Variants in CA1 observed in about 807,000 individuals in gnomAD.
CA1 encodes carbonate dehydratase I.
A neutral mutation model predicts 28.8 loss-of-function variants in CA1; 27 were observed. The observed-to-expected ratio is 0.94, with a 90% CI of 0.69 to 1.29. The LOEUF (loss-of-function observed/expected upper bound fraction) is 1.29, where lower values mean the gene tolerates loss of function less well. Among genes scored for constraint, CA1 ranks in the 50% most tolerant of loss-of-function variants. The pLI, the probability that CA1 is intolerant of heterozygous loss-of-function variation, is 0.00. For missense variants in CA1, 335 were observed against 310.5 expected (o/e 1.08, Z -0.59); for synonymous variants, 121 against 108.8 (o/e 1.11, Z -0.70).
intron 6 of CA1, among the ~76,000 whole-genome samples, chr8:85,331,512 A>G (rs899812833): frequency 1.1e-4 from 16 of 152,006 alleles, no homozygotes; most frequent in African/African-American, 3.9e-4. Context: ...GCTGGAGTGC[A>G]GTGGCACAAT....
chr8:85,333,265 G>A (rs1311354826), intron 5 of CA1, among the ~76,000 whole-genome samples: 1 of 152,050 alleles, frequency 6.6e-6, no homozygotes, highest in African/African-American at 2.4e-5. Flanking sequence ...GGAAGAGCTG[G>A]AAAATAGAAA....
intron 4 of CA1, among the ~76,000 whole-genome samples, chr8:85,334,997 A>C (rs890626953): frequency 1.0e-5 from 1 of 96,842 alleles, no homozygotes; most frequent in African/African-American, 5.4e-5. Flanking sequence ...CTCAAAAATA[A>C]ATAAATAAAT....
At chr8:85,362,824 T>A (rs1564044948) in intron 1 of CA1, among the ~76,000 whole-genome samples, 1 of 152,218 alleles carries the variant, frequency 6.6e-6, no homozygotes, top group African/African-American at 2.4e-5. Context: ...TTGAAATTTT[T>A]AGGCAGATAA....
At chr8:85,377,713 G>C (rs1389995817) in intron 1 of CA1, among the ~76,000 whole-genome samples, 1 of 152,014 alleles carries the variant, frequency 6.6e-6, no homozygotes, top group Non-Finnish European at 1.5e-5. Flanking sequence ...TGAGGCAGGA[G>C]AATCACTTGA....
intron 4 of CA1, 79 bp downstream of exon 4, chr8:85,336,863 ATGT>A: frequency 1.2e-6 from 1 of 834,428 alleles, no homozygotes; most frequent in Non-Finnish European, 2.1e-6. Flanking sequence ...AGTCATTATG[ATGT>A]TGTCTTAGAA....
chr8:85,340,496 G>A lies in CA1; in HGVS notation c.37+1103C>T, dbSNP rs111501755. 3.9e-4 allele frequency among the ~76,000 whole-genome samples: 59 copies of A among 152,332 alleles called. 1 individual carries two copies. Among genetic ancestry groups the A allele is most frequent in the Middle Eastern group, 3.4e-3 (1 of 294 alleles). ...GATGGAGATGTACAAGGAGATTGAT[G>A]TTATGCTTATGCCTGCTAACACAGC... On this transcript the variant is annotated intron_variant, in intron 2 of 7. Coordinates refer to ENST00000523022, the MANE Select transcript of CA1 (RefSeq NM_001128831.4).
rs938132992 is a variant in CA1, at chr8:85,332,618, T to A, written c.451-66A>T. On this transcript the variant is annotated intron_variant, in intron 5 of 7. Coordinates refer to ENST00000523022, the MANE Select transcript of CA1 (RefSeq NM_001128831.4). ...ATCAATCGAACACTGCTTAGCTAAA[T>A]TTTGAATTTTTTTTCAATTAACAAC... is the stretch of plus-strand genomic sequence containing the variant. 358 of 1,209,754 alleles carry A rather than the reference T, an allele frequency of 3.0e-4. 1 individual carries two copies. The highest frequency in any genetic ancestry group is 4.2e-4 in the Non-Finnish European group (347 of 817,438). 74.9% of individuals were successfully genotyped at this position (1,209,754 alleles called of 1,614,324 possible). A position where few individuals can be genotyped will look rare whatever the true frequency, so the allele number is the denominator to read the frequency against.
At chr8:85,344,271 A>T (rs1585932884) in intron 1 of CA1, among the ~76,000 whole-genome samples, 1 of 88,914 alleles carries the variant, frequency 1.1e-5, no homozygotes, top group East Asian at 2.2e-4. Context: ...TATATAATAT[A>T]TAATTATATA....
intron 1 of CA1, among the ~76,000 whole-genome samples, chr8:85,352,865 C>T (rs1235449272): frequency 1.3e-5 from 2 of 152,032 alleles, no homozygotes; most frequent in African/African-American, 2.4e-5. Context: ...GGGGTTTTGC[C>T]AAGTTGGACA....
At chr8:85,349,784 A>T (rs1375316478) in intron 1 of CA1, 1 of 152,220 alleles carries the variant, frequency 6.6e-6, no homozygotes, top group Admixed American at 6.5e-5. Context: ...TGGTGAATGC[A>T]TATTCTACAT....
chr8:85,361,146 G>A (rs1809778389), intron 1 of CA1, among the ~76,000 whole-genome samples: 1 of 152,140 alleles, frequency 6.6e-6, no homozygotes, highest in Non-Finnish European at 1.5e-5. Flanking sequence ...ACTGGGAGGG[G>A]AAATCTGAAT....
chr8:85,362,079 G>T (rs1809819290), intron 1 of CA1, among the ~76,000 whole-genome samples: 1 of 152,160 alleles, frequency 6.6e-6, no homozygotes, highest in African/African-American at 2.4e-5. Context: ...GGTTGGCAGG[G>T]TTGCATTCCT....
At chr8:85,349,185 G>A (rs1194175098) in intron 1 of CA1, among the ~76,000 whole-genome samples, 1 of 152,178 alleles carries the variant, frequency 6.6e-6, no homozygotes, top group Admixed American at 6.5e-5. Context: ...TAGCCCAATA[G>A]AATGAGACCA....
intron 5 of CA1, among the ~76,000 whole-genome samples, chr8:85,333,109 C>G (rs1427047256): frequency 6.6e-6 from 1 of 152,046 alleles, no homozygotes; most frequent in African/African-American, 2.4e-5. Flanking sequence ...CTATTTCTTT[C>G]CTAATGAGAT....
intron 1 of CA1, among the ~76,000 whole-genome samples, chr8:85,368,009 A>G (rs1157549300): frequency 1.3e-5 from 2 of 152,086 alleles, no homozygotes; most frequent in African/African-American, 2.4e-5. Context: ...TTTTCTTTTC[A>G]TTGCTTATAA....
chr8:85,332,992 A>C (rs1808474443), intron 5 of CA1, among the ~76,000 whole-genome samples: 1 of 152,180 alleles, frequency 6.6e-6, no homozygotes, highest in Non-Finnish European at 1.5e-5. Flanking sequence ...CCAATTTAAT[A>C]ATAACTTTTT....
At chr8:85,336,129 A>G (rs547902354) in intron 4 of CA1, among the ~76,000 whole-genome samples, 4 of 152,314 alleles carry the variant, frequency 2.6e-5, no homozygotes, top group African/African-American at 9.6e-5. Context: ...ATGAAATACT[A>G]TGCTGACAGT....
intron 1 of CA1, among the ~76,000 whole-genome samples, chr8:85,365,533 G>A (rs759922856): frequency 1.2e-4 from 18 of 152,138 alleles, no homozygotes; most frequent in African/African-American, 4.1e-4. Flanking sequence ...TTCTGCACCC[G>A]TTCGTCACAG....
chr8:85,356,601 T>C (rs1033738715), intron 1 of CA1, among the ~76,000 whole-genome samples: 11 of 152,188 alleles, frequency 7.2e-5, no homozygotes, highest in Middle Eastern at 3.2e-3. Flanking sequence ...TTTAGGAAAT[T>C]AAAAATTTAA....
Sources: allele counts gnomAD v4.1 joint callset (sites outside exome capture counted in the v4.1 genomes callset), GRCh38; gene constraint gnomAD v4.1.1; transcripts MANE v1.5; gene names NCBI Gene and HGNC (gene_info 2026-07-23, HGNC 2026-07-21).